Variants in SLU7 observed in about 807,000 individuals in gnomAD.
The protein encoded by SLU7 is pre-mRNA-splicing factor SLU7.
A neutral mutation model predicts 87.0 loss-of-function variants in SLU7; 60 were observed. The ratio of observed to expected loss-of-function variants is 0.69; its 90% confidence interval spans 0.56 to 0.86. The LOEUF is 0.86. Ranked by LOEUF, SLU7 falls within the 40% of genes least tolerant of loss-of-function variation. The probability of loss-of-function intolerance (pLI) is 0.00; values close to 1 mark genes in which losing one functional copy is unlikely to be tolerated. For synonymous variants in SLU7, 197 were observed against 222.0 expected, an observed-to-expected ratio of 0.89 and a Z score of 1.00; for missense variants, 507 against 686.6, an observed-to-expected ratio of 0.74 and a Z score of 2.92.
In SLU7 at chr5:160,404,862, T is replaced by C. The variant is rs1023468925; in HGVS notation, c.1411A>G (p.Ile471Val). 6.2e-7 allele frequency: 1 copy of C among 1,609,536 alleles called. No individual in the cohort carries two copies. Among genetic ancestry groups the C allele is most frequent in the Non-Finnish European group, 8.5e-7 (1 of 1,175,816 alleles). ...KEIVNSEECIINEITGEESVK... is the reference protein window; with the variant it reads ...KEIVNSEECIVNEITGEESVK... Reference sequence around the variant, plus strand: ...GATTCTTCCCCAGTTATCTCATTTATAATACACTCCTCAGAGTTCTGTGGG... The same window carrying C: ...GATTCTTCCCCAGTTATCTCATTTACAATACACTCCTCAGAGTTCTGTGGG... Residue 471 changes from isoleucine to valine, a missense_variant, in exon 14 of 16, where the codon ATA (isoleucine) becomes GTA (valine). Transcript: ENST00000297151.
At position 160,406,537 on chromosome 5, in the gene SLU7, G is replaced by T; in HGVS notation, c.1218C>A (p.Val406=). ...DYVEYSRHGT[V]IKGQERAVAC... ...CAACAGCCCGCTCCTGTCCTTTGATGACTGTCCCATGTCTTGAGTACTCCA... is the reference window on the plus strand; with the variant it reads ...CAACAGCCCGCTCCTGTCCTTTGATTACTGTCCCATGTCTTGAGTACTCCA... Residue 406 remains valine (V), a synonymous_variant, in exon 12 of 16, where the codon GTC becomes GTA. Coordinates refer to ENST00000297151, the MANE Select transcript of SLU7 (RefSeq NM_006425.5). The T allele has an allele frequency of 6.2e-7, 1 of 1,613,816 alleles. No individual in the cohort carries two copies.
chr5:160,417,031 TGCC>T (rs1402485752), intron 1 of SLU7: 1 of 152,220 alleles, frequency 6.6e-6, no homozygotes, highest in African/African-American at 2.4e-5. Flanking sequence ...TCTCTATTGT[TGCC>T]GCCATGTGAG....
At chr5:160,415,520 C>G (rs1240339619) in intron 1 of SLU7, among the ~76,000 whole-genome samples, 2 of 152,138 alleles carry the variant, frequency 1.3e-5, no homozygotes, top group African/African-American at 4.8e-5. Context: ...TGGAGAGAGA[C>G]ACACACGTGT....
chr5:160,416,697 A>G (rs1401185555), intron 1 of SLU7, among the ~76,000 whole-genome samples: 2 of 152,176 alleles, frequency 1.3e-5, no homozygotes, highest in Non-Finnish European at 1.5e-5. Flanking sequence ...TTCCATTCTT[A>G]CTGCTACCAC....
intron 3 of SLU7, 155 bp from the exon 4 acceptor site, chr5:160,414,134 GAGT>G (rs1282661342): frequency 1.5e-6 from 1 of 656,818 alleles, no homozygotes; most frequent in Non-Finnish European, 2.4e-6. Flanking sequence ...AAACTTTAAA[GAGT>G]TCAGGAGTGT....
Position 160,407,070 on chromosome 5 carries a change from A to G in SLU7, c.1125+406T>C, listed in dbSNP as rs1410664582. 6.6e-6 allele frequency among the ~76,000 whole-genome samples: 1 copy of G among 152,224 alleles called. No homozygotes were observed. On this transcript the variant is annotated intron_variant, in intron 11 of 15. Coordinates refer to ENST00000297151, the MANE Select transcript of SLU7 (RefSeq NM_006425.5). This position sits in a 1 kb window ranked among gnomAD's most constrained non-coding sequence, Gnocchi z 4.2. ...TCTAGAACTCTGAGAATGCCATTTT[A>G]AAAAGCTGTGCTACCCTACTAGAGG... is the stretch of plus-strand genomic sequence containing the variant.
At position 160,408,479 on chromosome 5, in the gene SLU7, G is replaced by A. The variant is rs1765097152; in HGVS notation, c.688-19C>T. The A allele has an allele frequency of 1.3e-6, 2 of 1,573,598 alleles. No homozygotes were observed. The highest frequency in any genetic ancestry group is 1.7e-6 in the Non-Finnish European group (2 of 1,159,766). ...CTTTTTCCTAAAAGAGGGAGAGGAA[G>A]GAAAAGTAAGAAGAAAAGAAAGCAG... On this transcript the variant is annotated intron_variant, in intron 7 of 15. Coordinates refer to ENST00000297151, the MANE Select transcript of SLU7 (RefSeq NM_006425.5).
chr5:160,412,866 T>C (rs1348206862), intron 5 of SLU7, among the ~76,000 whole-genome samples: 2 of 152,134 alleles, frequency 1.3e-5, no homozygotes, highest in Non-Finnish European at 2.9e-5. Flanking sequence ...GGGGTTACCA[T>C]ATATTACAAT....
Position 160,405,121 on chromosome 5 carries a change from C to T in SLU7, c.1302G>A (p.Ser434=), listed in dbSNP as rs755212457. 93 of 1,611,730 alleles carry T rather than the reference C, an allele frequency of 5.8e-5. No individual in the cohort carries two copies. The highest frequency in any genetic ancestry group is 7.3e-5 in the Non-Finnish European group (86 of 1,178,132). The change falls in exon 13 of 16, where the codon TCG becomes TCA. Residue 434 remains serine, a synonymous_variant. Transcript: ENST00000297151. ...KIHNHTHIWG[S]YWKEGRWGYK... The stretch of plus-strand genomic sequence containing the variant: ...ATCCCCATCGGCCTTCTTTCCAGTA[C>T]GATCCCCAGATATGCTGCAGAGAGA...
chr5:160,414,580 G>C (rs950679695), intron 2 of SLU7, 108 bp from the exon 3 acceptor site: 36 of 597,324 alleles, frequency 6.0e-5, no homozygotes, highest in Non-Finnish European at 9.3e-5. Flanking sequence ...AAATATTGCA[G>C]TGGTAGGGGG....
rs1765018373 is a variant in SLU7 at position 160,406,478 on chromosome 5, T to C, written c.1277A>G (p.His426Arg). ...CAGTTTAGCACATACTGTGTGATTG[T>C]GGATCTTCACATCCTCCTCATACTT... ...CSKYEEDVKIHNHTHIWGSYW... is the reference protein window; with the variant it reads ...CSKYEEDVKIRNHTHIWGSYW... The change falls in exon 12 of 16, where the codon CAC (histidine) becomes CGC (arginine). Residue 426 changes from histidine (H) to arginine (R), a missense_variant. His to Arg is a conservative substitution (Grantham distance 29). This residue lies in a region of SLU7 where 201 missense variants were observed against 213.4 expected (regional missense o/e 0.94). Coordinates refer to ENST00000297151, the MANE Select transcript of SLU7 (RefSeq NM_006425.5). 1.2e-6 allele frequency: 2 copies of C among 1,609,032 alleles called. No homozygotes were observed. Among genetic ancestry groups the C allele is most frequent in the Non-Finnish European group, 1.7e-6 (2 of 1,178,360 alleles).
rs976510428 is a variant in SLU7, at chr5:160,403,371, G to A, written c.1675C>T (p.Arg559Ter). 3 of 1,613,376 alleles carry A rather than the reference G, an allele frequency of 1.9e-6. No homozygotes were observed. Among genetic ancestry groups the A allele is most frequent in the Non-Finnish European group, 2.5e-6 (3 of 1,179,736 alleles). ...TCCATTTCCTCTTCAGTAGGTTCTC[G>A]AGTTTCATACATGCTATTGTAAGGC... ...KRPYNSMYET[R>*]EPTEEEMEAY... Residue 559 changes from arginine (R) to a stop codon, truncating the protein, a stop_gained, in exon 16 of 16, where the codon CGA (arginine) becomes TGA (stop). Coordinates refer to ENST00000297151, the MANE Select transcript of SLU7 (RefSeq NM_006425.5). LOFTEE classifies it high-confidence loss of function.
chr5:160,415,501 A>G (rs570300564), intron 1 of SLU7, among the ~76,000 whole-genome samples, 191 bp from the exon 2 acceptor site: 2 of 152,298 alleles, frequency 1.3e-5, no homozygotes, highest in African/African-American at 4.8e-5. Context: ...CTCAACTCCA[A>G]TTTACAAATG....
At chr5:160,418,303 G>C (rs1214082145) in intron 1 of SLU7, among the ~76,000 whole-genome samples, 1 of 152,104 alleles carries the variant, frequency 6.6e-6, no homozygotes, top group Admixed American at 6.6e-5. Flanking sequence ...GAAGAAACAG[G>C]TTCTGAGAGG....
intron 1 of SLU7, among the ~76,000 whole-genome samples, chr5:160,418,423 T>C (rs988509286): frequency 6.6e-6 from 1 of 152,214 alleles, no homozygotes; most frequent in African/African-American, 2.4e-5. Flanking sequence ...CCACAGAACA[T>C]TGGCTTCTGG....
chr5:160,417,168 T>C (rs2910194), intron 1 of SLU7: 83,349 of 151,946 alleles, frequency 0.55, 23,450 homozygotes, highest in African/African-American at 0.66. Flanking sequence ...TGAAAACAGA[T>C]TAATACAATG....
At position 160,415,315 on chromosome 5, in the gene SLU7, GA is replaced by G; in HGVS notation, c.-16-6del. On this transcript the variant is annotated splice_polypyrimidine_tract_variant and splice_region_variant and intron_variant, in intron 1 of 15. Transcript: ENST00000297151. ...GACATGGTTATCTGGCCTCCTCTAG[GA>G]AAAGAAGTGAAACTTACAGTAAAAA... 1 of 1,526,874 alleles carries G rather than the reference GA, an allele frequency of 6.5e-7. No homozygotes were observed. The allele number at this position is 1,526,874 out of a possible 1,614,324, so 94.6% of individuals were successfully genotyped here.
intron 6 of SLU7, among the ~76,000 whole-genome samples, chr5:160,409,361 C>T (rs1422062678): frequency 1.3e-5 from 1 of 75,842 alleles, no homozygotes; most frequent in Non-Finnish European, 3.4e-5. Context: ...CCTACACTAA[C>T]GTGGTATTTC....
chr5:160,413,619 C>T lies in SLU7; in HGVS notation c.407G>A (p.Arg136Lys). Residue 136 changes from arginine to lysine, a missense_variant and splice_region_variant, in exon 5 of 16, where the codon AGA becomes AAA. Arg to Lys is a conservative substitution (Grantham distance 26). Transcript: ENST00000297151. ...MTHKKKDCFE[R>K]PRRVGAKFTG... ...AAATTTGGCTCCAACTCGCCTAGGT[C>T]TCTAAAAACAGAGTAAGATTTAATC... 1 of 1,606,544 alleles carries T rather than the reference C, an allele frequency of 6.2e-7. No homozygotes were observed. The highest frequency in any genetic ancestry group is 1.1e-5 in the South Asian group (1 of 89,224).
Sources: allele counts gnomAD v4.1 joint callset (sites outside exome capture counted in the v4.1 genomes callset), GRCh38; gene constraint gnomAD v4.1.1; regional missense constraint gnomAD v4.1.1; non-coding constraint Gnocchi (gnomAD v3.1); transcripts MANE v1.5; gene names NCBI Gene and HGNC (gene_info 2026-07-23, HGNC 2026-07-21).